LPAR1: variants seen among roughly 807,000 people sequenced by gnomAD.
LPAR1 encodes LPA receptor 1.
In LPAR1, 5 loss-of-function variants were observed where a neutral mutation model predicts 23.8. That is an observed-to-expected ratio of 0.21 (90% confidence interval 0.11 to 0.44). LPAR1 has a LOEUF of 0.44. Among genes scored for constraint, LPAR1 ranks in the 20% least tolerant of loss-of-function variants. The pLI is 0.99. For synonymous variants in LPAR1, 160 were observed against 164.7 expected (o/e 0.97, Z 0.22); for missense variants, 311 against 482.8 (o/e 0.64, Z 3.33).
chr9:110,891,790 C>T (rs10759473), intron 5 of LPAR1, among the ~76,000 whole-genome samples: 27,446 of 152,112 alleles, frequency 0.18, 2,814 homozygotes, highest in Admixed American at 0.25. Context: ...CATGAAAAGG[C>T]GATCAGCTTC....
chr9:110,910,848 T>A (rs2092337483), intron 5 of LPAR1, among the ~76,000 whole-genome samples: 1 of 152,218 alleles, frequency 6.6e-6, no homozygotes, highest in African/African-American at 2.4e-5. Flanking sequence ...CCTGAAGATG[T>A]AGCTAAATTG....
rs1316397960 is a variant in LPAR1, at chr9:110,874,074, C to A, written c.*1347G>T. 2 of 152,578 alleles carry A rather than the reference C, an allele frequency of 1.3e-5. No homozygotes were observed. The highest frequency in any genetic ancestry group is 1.3e-4 in the Admixed American group (2 of 15,272). The allele number at this position is 152,578 out of a possible 1,614,324, so 9.5% of individuals were successfully genotyped here. A position where few individuals can be genotyped will look rare whatever the true frequency, so the allele number is the denominator to read the frequency against. The stretch of plus-strand genomic sequence containing the variant: ...AGTACAAAAGCAGGAAATCCCTTTT[C>A]ATGAAAGGTGTAAGTACAAGATGAC... On this transcript the variant is annotated 3_prime_UTR_variant, in exon 6 of 6. Transcript: ENST00000683809.
At chr9:110,946,446 A>G (rs1463948600) in intron 4 of LPAR1, among the ~76,000 whole-genome samples, 5 of 152,032 alleles carry the variant, frequency 3.3e-5, no homozygotes. Context: ...GAGTTTAGAG[A>G]AAAAAAATAA....
At chr9:110,890,484 C>A (rs2083771490) in intron 5 of LPAR1, among the ~76,000 whole-genome samples, 1 of 146,600 alleles carries the variant, frequency 6.8e-6, no homozygotes, top group South Asian at 2.1e-4. Flanking sequence ...AAACAAATCT[C>A]CCCCCCACAA....
intron 5 of LPAR1, among the ~76,000 whole-genome samples, chr9:110,937,623 T>C (rs2094812174): frequency 6.6e-6 from 1 of 152,180 alleles, no homozygotes; most frequent in African/African-American, 2.4e-5. Context: ...CAACTAAAAA[T>C]AATTATTAAG....
chr9:110,937,450 C>CTG (rs1339956013), intron 5 of LPAR1, among the ~76,000 whole-genome samples: 2 of 152,316 alleles, frequency 1.3e-5, no homozygotes, highest in Admixed American at 1.3e-4. Context: ...TACTTCCTAG[C>CTG]TGTGTGGCTG....
chr9:110,934,764 C>A (rs2094586312), intron 5 of LPAR1, among the ~76,000 whole-genome samples: 1 of 151,868 alleles, frequency 6.6e-6, no homozygotes, highest in South Asian at 2.1e-4. Context: ...TAGTTCTTGT[C>A]AAAGAGTAGA....
intron 5 of LPAR1, among the ~76,000 whole-genome samples, chr9:110,915,302 T>G (rs1588295492): frequency 6.6e-6 from 1 of 152,290 alleles, no homozygotes; most frequent in Non-Finnish European, 1.5e-5. Context: ...TTTGGGAAGC[T>G]GAGGCAGGCA....
At chr9:110,894,160 C>T (rs1326893) in intron 5 of LPAR1, among the ~76,000 whole-genome samples, 126,588 of 152,198 alleles carry the variant, frequency 0.83, 53,098 homozygotes, top group African/African-American at 0.95. Context: ...AGCTAGTTAG[C>T]GGGGAGGAAG....
At chr9:110,989,710 AGAT>A (rs1317962417) in intron 2 of LPAR1, among the ~76,000 whole-genome samples, 4 of 152,202 alleles carry the variant, frequency 2.6e-5, no homozygotes, top group African/African-American at 9.6e-5. Flanking sequence ...GACAAAAGCA[AGAT>A]GATAGATTTA....
At chr9:111,019,650 A>C (rs922584633) in intron 2 of LPAR1, among the ~76,000 whole-genome samples, 1 of 151,972 alleles carries the variant, frequency 6.6e-6, no homozygotes, top group Non-Finnish European at 1.5e-5. Context: ...ATCCTGGCTA[A>C]CATGGTGAAA....
At chr9:111,022,806 T>C (rs991337768) in intron 2 of LPAR1, among the ~76,000 whole-genome samples, 14 of 152,018 alleles carry the variant, frequency 9.2e-5, no homozygotes, top group Non-Finnish European at 1.6e-4. Flanking sequence ...ATCCCAGCAC[T>C]TTGGGAGGCC....
intron 4 of LPAR1, among the ~76,000 whole-genome samples, chr9:110,961,216 GAAA>G (rs35228428): frequency 1.4e-5 from 2 of 145,454 alleles, no homozygotes; most frequent in Non-Finnish European, 1.5e-5. Flanking sequence ...ATTTTAAGGG[GAAA>G]AAAAAAAAAA....
At chr9:110,999,853 C>T (rs898116532) in intron 2 of LPAR1, among the ~76,000 whole-genome samples, 6 of 152,112 alleles carry the variant, frequency 3.9e-5, no homozygotes, top group Non-Finnish European at 8.8e-5. Context: ...TACACGCACA[C>T]GCCACCACAC....
intron 5 of LPAR1, among the ~76,000 whole-genome samples, chr9:110,898,014 C>T (rs1313398275): frequency 6.6e-6 from 1 of 152,106 alleles, no homozygotes; most frequent in Non-Finnish European, 1.5e-5. Context: ...TAATTAGAAT[C>T]ATAGTCTTGA....
At chr9:110,888,448 T>C (rs2133034685) in intron 5 of LPAR1, among the ~76,000 whole-genome samples, 1 of 152,262 alleles carries the variant, frequency 6.6e-6, no homozygotes, top group Middle Eastern at 3.4e-3. Context: ...AATTGAATGT[T>C]AACAAAGCAT....
intron 5 of LPAR1, among the ~76,000 whole-genome samples, chr9:110,930,025 A>G (rs1253404813): frequency 6.6e-6 from 1 of 152,194 alleles, no homozygotes; most frequent in Non-Finnish European, 1.5e-5. Flanking sequence ...TAACAATAAC[A>G]AAAAACACCT....
At chr9:110,882,541 A>C (rs2081171747) in intron 5 of LPAR1, among the ~76,000 whole-genome samples, 1 of 152,254 alleles carries the variant, frequency 6.6e-6, no homozygotes, top group Non-Finnish European at 1.5e-5. Context: ...TGGTGGAACA[A>C]TTCCTACACA....
chr9:110,924,681 A>G (rs1363177735), intron 5 of LPAR1, among the ~76,000 whole-genome samples: 2 of 152,034 alleles, frequency 1.3e-5, no homozygotes, highest in East Asian at 3.9e-4. Context: ...AAAAAAAAAA[A>G]GAGGAAATGT....
Sources: gnomAD v4.1 joint callset for allele counts (sites outside exome capture counted in the v4.1 genomes callset) on GRCh38, gnomAD v4.1.1 for gene constraint, MANE v1.5 for transcripts, NCBI Gene and HGNC (gene_info 2026-07-23, HGNC 2026-07-21) for gene names.